ITGA8: variants seen among roughly 807,000 people sequenced by gnomAD.
The protein encoded by ITGA8 is integrin alpha-8.
In ITGA8, 91 loss-of-function variants were observed where a neutral mutation model predicts 142.3. The observed-to-expected ratio is 0.64, with a 90% confidence interval of 0.54 to 0.76. The LOEUF (loss-of-function observed/expected upper bound fraction) is 0.76, where lower values mean the gene tolerates loss of function less well. Ranked by LOEUF, ITGA8 falls within the 30% of genes least tolerant of loss-of-function variation. The probability of loss-of-function intolerance (pLI) is 0.00; values close to 1 mark genes in which losing one functional copy is unlikely to be tolerated. For missense variants in ITGA8, 1,406 were observed against 1,327.7 expected, an observed-to-expected ratio of 1.06 and a Z score of -0.92; for synonymous variants, 505 against 485.2, an observed-to-expected ratio of 1.04 and a Z score of -0.54.
intron 22 of ITGA8, among the ~76,000 whole-genome samples, chr10:15,589,349 C>T (rs1369360158): frequency 6.6e-6 from 1 of 152,146 alleles, no homozygotes; most frequent in African/African-American, 2.4e-5. Flanking sequence ...AGGACAGTCA[C>T]CAAGACCTGT....
intron 23 of ITGA8, 44 bp downstream of exon 23, chr10:15,586,540 C>T: frequency 8.9e-7 from 1 of 1,125,082 alleles, no homozygotes; most frequent in Middle Eastern, 2.0e-4. Context: ...TATCTTAACT[C>T]TACATACAGA....
Position 15,683,948 on chromosome 10 carries a change from C to T in ITGA8, c.568+56G>A. On this transcript the variant is annotated intron_variant, in intron 4 of 29. Coordinates refer to ENST00000378076, the MANE Select transcript of ITGA8 (RefSeq NM_003638.3). Reference sequence around the variant, plus strand: ...GTTTTGAGCCTACCTGCACTCCTGTCTACGATAGAAAAGCACTTGAGCTAA... The same window carrying T: ...GTTTTGAGCCTACCTGCACTCCTGTTTACGATAGAAAAGCACTTGAGCTAA... The T allele has an allele frequency of 1.9e-6, 3 of 1,607,946 alleles. No individual in the cohort carries two copies. In the South Asian group the frequency reaches 3.3e-5, roughly 18 times the overall value.
chr10:15,563,643 G>A (rs1588646612), intron 25 of ITGA8, among the ~76,000 whole-genome samples: 3 of 152,086 alleles, frequency 2.0e-5, no homozygotes, highest in Non-Finnish European at 4.4e-5. Flanking sequence ...AGCCAGGTGC[G>A]GTGGCTCACG....
At chr10:15,634,625 G>T (rs962711860) in intron 13 of ITGA8, among the ~76,000 whole-genome samples, 9 of 152,112 alleles carry the variant, frequency 5.9e-5, no homozygotes, top group African/African-American at 2.2e-4. Context: ...ACACATACTT[G>T]CTGGGTATAT....
intron 25 of ITGA8, among the ~76,000 whole-genome samples, chr10:15,562,201 TA>T (rs1403146513): frequency 6.6e-6 from 1 of 152,206 alleles, no homozygotes; most frequent in Non-Finnish European, 1.5e-5. Context: ...GGATCATTCC[TA>T]ATAGTAATGA....
intron 6 of ITGA8, among the ~76,000 whole-genome samples, chr10:15,677,027 C>G (rs1834642927): frequency 6.6e-6 from 1 of 151,978 alleles, no homozygotes; most frequent in South Asian, 2.1e-4. Flanking sequence ...AAACAGAAAA[C>G]AAATGAGAGT....
chr10:15,566,246 C>T (rs555455766), intron 25 of ITGA8, among the ~76,000 whole-genome samples: 1 of 152,178 alleles, frequency 6.6e-6, no homozygotes, highest in Non-Finnish European at 1.5e-5. Flanking sequence ...TCGGCGGCAA[C>T]CTCCAGCTTT....
chr10:15,634,980 A>AAAT (rs955885069), intron 13 of ITGA8, among the ~76,000 whole-genome samples: 9 of 151,326 alleles, frequency 5.9e-5, no homozygotes, highest in Non-Finnish European at 1.3e-4. Flanking sequence ...TAATTTCACT[A>AAAT]AATATTTTTT....
intron 3 of ITGA8, 81 bp from the exon 4 acceptor site, chr10:15,684,208 C>T: frequency 7.0e-7 from 1 of 1,427,636 alleles, no homozygotes; most frequent in Non-Finnish European, 9.5e-7. Flanking sequence ...ATTGGTATAA[C>T]AAACTGTTAA....
chr10:15,548,807 T>C (rs1041132830), intron 26 of ITGA8, among the ~76,000 whole-genome samples: 1 of 152,226 alleles, frequency 6.6e-6, no homozygotes, highest in Non-Finnish European at 1.5e-5. Flanking sequence ...AGAGAATCTT[T>C]CTGCAGCAGC....
At chr10:15,652,273 C>A (rs1449351550) in intron 11 of ITGA8, among the ~76,000 whole-genome samples, 1 of 152,206 alleles carries the variant, frequency 6.6e-6, no homozygotes, top group African/African-American at 2.4e-5. Context: ...GGACGGTGCC[C>A]TGCAGGGCAT....
intron 24 of ITGA8, 71 bp downstream of exon 24, chr10:15,575,418 C>T: frequency 3.9e-6 from 4 of 1,036,586 alleles, no homozygotes; most frequent in Non-Finnish European, 6.1e-6. Flanking sequence ...GATAATAATG[C>T]TACATAGAAT....
At position 15,523,311 on chromosome 10, in the gene ITGA8, AT is replaced by A. The variant is rs1373609837; in HGVS notation, c.2983-3900del. On this transcript the variant is annotated intron_variant, in intron 28 of 29. Transcript: ENST00000378076. The stretch of plus-strand genomic sequence containing the variant: ...TCACTTACAAAGAGCTAACAAAGAC[AT>A]TTAAAGTTTTTTTTGTAGCAGTGAT... Among the ~76,000 whole-genome samples the A allele has an allele frequency of 3.8e-3, 583 of 152,332 alleles. 2 individuals carry two copies. The highest frequency in any genetic ancestry group is 0.013 in the African/African-American group (560 of 41,586).
At chr10:15,601,919 G>A (rs4748183) in intron 20 of ITGA8, among the ~76,000 whole-genome samples, 9,896 of 152,252 alleles carry the variant, frequency 0.065, 427 homozygotes, top group Middle Eastern at 0.12. Context: ...GCTTAGTCAC[G>A]TAAAATTCAA....
intron 6 of ITGA8, among the ~76,000 whole-genome samples, chr10:15,676,222 G>A (rs901070149): frequency 6.6e-6 from 1 of 152,110 alleles, no homozygotes; most frequent in South Asian, 2.1e-4. Context: ...GTACTCCTAC[G>A]TAAGGTCCAG....
intron 26 of ITGA8, among the ~76,000 whole-genome samples, chr10:15,557,719 C>T (rs906887809): frequency 2.0e-5 from 3 of 152,208 alleles, no homozygotes; most frequent in Non-Finnish European, 2.9e-5. Flanking sequence ...AGGTGCAGAA[C>T]TCCAAGGGTC....
chr10:15,576,236 G>C (rs1381741898), intron 23 of ITGA8, among the ~76,000 whole-genome samples: 1 of 152,116 alleles, frequency 6.6e-6, no homozygotes, highest in Non-Finnish European at 1.5e-5. Flanking sequence ...TGGTCTTATA[G>C]ATATCTCAAG....
At chr10:15,687,191 C>T (rs1834847217) in intron 3 of ITGA8, among the ~76,000 whole-genome samples, 1 of 152,076 alleles carries the variant, frequency 6.6e-6, no homozygotes, top group African/African-American at 2.4e-5. Context: ...AAGGCATTTC[C>T]TTTAGATACT....
At chr10:15,700,561 A>G (rs1835143385) in intron 2 of ITGA8, among the ~76,000 whole-genome samples, 1 of 152,244 alleles carries the variant, frequency 6.6e-6, no homozygotes, top group Non-Finnish European at 1.5e-5. Context: ...CCAAAGATAG[A>G]TAGCTGGGAC....
Sources: allele counts gnomAD v4.1 joint callset (sites outside exome capture counted in the v4.1 genomes callset), GRCh38; gene constraint gnomAD v4.1.1; transcripts MANE v1.5; gene names NCBI Gene and HGNC (gene_info 2026-07-23, HGNC 2026-07-21).